The following ZNF385D variants were observed in gnomAD, a reference collection of about 807,000 sequenced individuals.
The protein encoded by ZNF385D is zinc finger protein 659.
ZNF385D carries 15 observed loss-of-function variants against 35.8 expected under a neutral mutation model. That is an observed-to-expected ratio of 0.42 (90% CI 0.28 to 0.64). ZNF385D has a LOEUF of 0.64. ZNF385D is among the 30% of genes least tolerant of loss of function. The pLI is 0.23. For synonymous variants in ZNF385D, 212 were observed against 186.8 expected (o/e 1.13, Z -1.10); for missense variants, 474 against 494.6 (o/e 0.96, Z 0.39).
chr3:22,188,109 C>G lies in ZNF385D; in HGVS notation c.107-19074G>C, dbSNP rs189885995. 4.1e-4 allele frequency among the ~76,000 whole-genome samples: 63 copies of G among 152,160 alleles called. 1 individual carries two copies. The highest frequency in any genetic ancestry group is 1.1e-3 in the Admixed American group (17 of 15,256). ...CGGAGGAAAGATGGGAAAGGAAGAG[C>G]CTTAAGAGGCAGAAACCTAATTTTC... On this transcript the variant is annotated intron_variant, in intron 2 of 5. Transcript: ENST00000494108.
chr3:22,215,006 T>C (rs898604981), intron 2 of ZNF385D, among the ~76,000 whole-genome samples: 1 of 152,032 alleles, frequency 6.6e-6, no homozygotes, highest in Non-Finnish European at 1.5e-5. Flanking sequence ...CGACATGTGA[T>C]GTCTCCCCCA....
At chr3:22,274,777 G>T (rs1701343259) in intron 2 of ZNF385D, among the ~76,000 whole-genome samples, 1 of 131,424 alleles carries the variant, frequency 7.6e-6, no homozygotes, top group Admixed American at 7.7e-5. Context: ...TTCCAACGAA[G>T]TTAGTACTTT....
chr3:22,064,855 G>A (rs1262364536), intron 3 of ZNF385D, among the ~76,000 whole-genome samples: 3 of 152,176 alleles, frequency 2.0e-5, no homozygotes, highest in African/African-American at 7.2e-5. Context: ...AGAATCTTTA[G>A]TGATCTATTG....
At position 22,240,201 on chromosome 3, in the gene ZNF385D, A is replaced by AAAAAAAG. The variant is rs374166678; in HGVS notation, c.107-71167_107-71166insCTTTTTT. Among the ~76,000 whole-genome samples the AAAAAAAG allele has an allele frequency of 5.6e-4, 68 of 120,978 alleles. 10 individuals are homozygous for AAAAAAAG. Among genetic ancestry groups the AAAAAAAG allele is most frequent in the East Asian group, 8.0e-4 (3 of 3,754 alleles). The allele number at this position is 120,978 out of a possible 152,430, so 79.4% of individuals were successfully genotyped here. A position where few individuals can be genotyped will look rare whatever the true frequency, so the allele number is the denominator to read the frequency against. On this transcript the variant is annotated intron_variant, in intron 2 of 5. Coordinates refer to the ZNF385D transcript ENST00000494108. The stretch of plus-strand genomic sequence containing the variant: ...CTGTCTCCAAAAAAAAAAAAAAAAA[A>AAAAAAAG]AAGATTTCAGACACCTGGCTCCACC...
At chr3:21,678,547 G>A (rs1316628495) in intron 1 of ZNF385D, among the ~76,000 whole-genome samples, 1 of 152,102 alleles carries the variant, frequency 6.6e-6, no homozygotes, top group Non-Finnish European at 1.5e-5. Flanking sequence ...GGAAACTGGA[G>A]AAGGGGCTCT....
intron 3 of ZNF385D, among the ~76,000 whole-genome samples, chr3:22,151,922 A>G (rs115975580): frequency 6.6e-6 from 1 of 152,020 alleles, no homozygotes; most frequent in African/African-American, 2.4e-5. Context: ...GCAACATAGG[A>G]GTTTCTTGTA....
chr3:21,788,889 C>T (rs2071807740), intron 3 of ZNF385D, among the ~76,000 whole-genome samples: 2 of 152,070 alleles, frequency 1.3e-5, no homozygotes, highest in South Asian at 4.1e-4. Context: ...ATAACAGCTG[C>T]ACAGAAAGCC....
At chr3:21,760,451 A>T (rs570902224) in intron 3 of ZNF385D, among the ~76,000 whole-genome samples, 3 of 152,196 alleles carry the variant, frequency 2.0e-5, no homozygotes, top group Non-Finnish European at 4.4e-5. Flanking sequence ...GTAAACAAAG[A>T]TTCACCTTTG....
intron 3 of ZNF385D, among the ~76,000 whole-genome samples, chr3:22,167,311 C>G (rs1381732475): frequency 6.6e-6 from 1 of 152,176 alleles, no homozygotes; most frequent in Non-Finnish European, 1.5e-5. Context: ...TCCTTGCACA[C>G]TCACAAATAT....
chr3:21,553,854 G>T lies in ZNF385D; in HGVS notation c.276+10720C>A, dbSNP rs183985207. Among the ~76,000 whole-genome samples, 12 of 152,244 alleles carry T rather than the reference G, an allele frequency of 7.9e-5. No individual in the cohort carries two copies. The East Asian group carries it at 1.5e-3, about 20-fold the overall frequency. On this transcript the variant is annotated intron_variant, in intron 3 of 7. Coordinates refer to ENST00000281523, the MANE Select transcript of ZNF385D (RefSeq NM_024697.3). ...CATTCAAAAGAAGCATCTCCTCCAT[G>T]AAAGGAGGAGGTTATCTGAGATTTC... is the stretch of plus-strand genomic sequence containing the variant.
chr3:22,065,794 T>C (rs754758343), intron 3 of ZNF385D, among the ~76,000 whole-genome samples: 3 of 152,114 alleles, frequency 2.0e-5, no homozygotes, highest in Non-Finnish European at 2.9e-5. Context: ...TGGCCACAAA[T>C]TGTGTAAGTC....
chr3:21,947,328 C>G (rs1575983456), intron 3 of ZNF385D, among the ~76,000 whole-genome samples: 1 of 150,514 alleles, frequency 6.6e-6, no homozygotes, highest in African/African-American at 2.4e-5. Context: ...TTTCAAGGCT[C>G]TTTCATGTAT....
intron 6 of ZNF385D, among the ~76,000 whole-genome samples, chr3:21,424,317 A>ATT (rs1213225859): frequency 0.013 from 856 of 63,678 alleles, 61 homozygotes; most frequent in Middle Eastern, 0.035. Context: ...ATATATATAT[A>ATT]TTTTTTTTTT....
chr3:21,504,887 A>C (rs1341932953), intron 4 of ZNF385D, among the ~76,000 whole-genome samples: 1 of 152,138 alleles, frequency 6.6e-6, no homozygotes, highest in African/African-American at 2.4e-5. Flanking sequence ...GTAGAGTATA[A>C]CTGGAGAGTA....
intron 2 of ZNF385D, among the ~76,000 whole-genome samples, chr3:22,297,610 T>C (rs941369845): frequency 2.8e-4 from 42 of 152,066 alleles, no homozygotes; most frequent in African/African-American, 9.9e-4. Context: ...GAAATAGTTG[T>C]CTAGAGGAGT....
At chr3:22,236,990 T>C (rs1018256451) in intron 2 of ZNF385D, among the ~76,000 whole-genome samples, 10 of 152,194 alleles carry the variant, frequency 6.6e-5, no homozygotes, top group Non-Finnish European at 1.3e-4. Flanking sequence ...CTGCTATGAA[T>C]ATTTATGTAT....
At chr3:21,437,477 C>G (rs967576491) in intron 4 of ZNF385D, among the ~76,000 whole-genome samples, 1 of 151,864 alleles carries the variant, frequency 6.6e-6, no homozygotes, top group African/African-American at 2.4e-5. Context: ...ACAAATTTCT[C>G]TTGTTAACAC....
intron 3 of ZNF385D, among the ~76,000 whole-genome samples, chr3:22,120,589 T>C (rs927898005): frequency 6.6e-6 from 1 of 152,162 alleles, no homozygotes; most frequent in Non-Finnish European, 1.5e-5. Context: ...ACCACCATAG[T>C]CTGAATTCCA....
intron 3 of ZNF385D, among the ~76,000 whole-genome samples, chr3:22,047,025 A>C (rs1699045209): frequency 6.6e-6 from 1 of 152,134 alleles, no homozygotes; most frequent in African/African-American, 2.4e-5. Flanking sequence ...GCCAATAATG[A>C]ATTAAGATAA....
Sources: gnomAD v4.1 joint callset for allele counts (sites outside exome capture counted in the v4.1 genomes callset) on GRCh38, gnomAD v4.1.1 for gene constraint, MANE v1.5 for transcripts, NCBI Gene and HGNC (gene_info 2026-07-23, HGNC 2026-07-21) for gene names.